MRTFB: variants seen among roughly 807,000 people sequenced by gnomAD.
MRTFB encodes myocardin related transcription factor B.
Under a neutral mutation model 104.2 loss-of-function variants are expected in MRTFB, and 29 were observed. The observed-to-expected ratio is 0.28, with a 90% CI of 0.21 to 0.38. The LOEUF (loss-of-function observed/expected upper bound fraction) is 0.38. Ranked by LOEUF, MRTFB falls within the 10% of genes least tolerant of loss-of-function variation. MRTFB has a pLI of 1.00. For synonymous variants in MRTFB, 535 were observed against 519.5 expected, an observed-to-expected ratio of 1.03 and a Z score of -0.41; for missense variants, 1,270 against 1,341.6, an observed-to-expected ratio of 0.95 and a Z score of 0.83.
chr16:14,243,541 C>G (rs1191773050), intron 10 of MRTFB, among the ~76,000 whole-genome samples: 2 of 152,130 alleles, frequency 1.3e-5, no homozygotes, highest in Admixed American at 1.3e-4. Flanking sequence ...CCACTGTTAC[C>G]AAGAGTATCA....
intron 2 of MRTFB, among the ~76,000 whole-genome samples, chr16:14,112,675 T>C (rs987148755): frequency 6.6e-6 from 1 of 152,260 alleles, no homozygotes; most frequent in African/African-American, 2.4e-5. Context: ...CTGAGTTTGC[T>C]GTTTCTGCTC....
chr16:14,247,073 G>C lies in MRTFB; in HGVS notation c.1813G>C (p.Glu605Gln). ...VEVLKMQLEV[E>Q]KRGQQQRPLE... ...AGTGCTGAAAATGCAACTTGAGGTT[G>C]AAAAACGAGGGCAGCAGCAGCGGCC... is the stretch of plus-strand genomic sequence containing the variant. Residue 605 changes from glutamate to glutamine, a missense_variant, in exon 12 of 17, where the codon GAA becomes CAA. Around this residue, in one of 3 missense-constraint regions of MRTFB, gnomAD observed 1,144 missense variants for 1,131.5 expected, o/e 1.01. Transcript: ENST00000571589. 6.2e-7 allele frequency: 1 copy of C among 1,614,166 alleles called. No homozygotes were observed. Among genetic ancestry groups the C allele is most frequent in the African/African-American group, 1.3e-5 (1 of 75,054 alleles).
At chr16:14,205,199 CCTA>C (rs1201685415) in intron 3 of MRTFB, among the ~76,000 whole-genome samples, 2 of 151,980 alleles carry the variant, frequency 1.3e-5, no homozygotes, top group African/African-American at 4.8e-5. Flanking sequence ...GTTTTTTTAT[CCTA>C]CTGTTTTCTA....
At chr16:14,112,300 C>T (rs192454623) in intron 2 of MRTFB, among the ~76,000 whole-genome samples, 66 of 152,112 alleles carry the variant, frequency 4.3e-4, no homozygotes, top group African/African-American at 1.3e-3. Context: ...GAGGTAGGTG[C>T]GTGAAACTGG....
the MRTFB span, among the ~76,000 whole-genome samples, chr16:14,022,095 A>G: frequency 4.4e-3 from 667 of 152,298 alleles, 4 homozygotes; most frequent in African/African-American, 0.015. Context: ...AATCCAGGAT[A>G]ATCTCCCTAT....
intron 3 of MRTFB, among the ~76,000 whole-genome samples, chr16:14,165,768 G>A (rs781136876): frequency 6.6e-6 from 1 of 152,086 alleles, no homozygotes; most frequent in Non-Finnish European, 1.5e-5. Flanking sequence ...TTGTCGTTCT[G>A]AGCCATAAAA....
At chr16:14,179,775 C>A (rs1413039908) in intron 3 of MRTFB, among the ~76,000 whole-genome samples, 1 of 152,158 alleles carries the variant, frequency 6.6e-6, no homozygotes, top group African/African-American at 2.4e-5. Flanking sequence ...AGACTGAAGT[C>A]GATGAATAGA....
At chr16:14,016,832 T>G in the MRTFB span, among the ~76,000 whole-genome samples, 1 of 147,302 alleles carries the variant, frequency 6.8e-6, no homozygotes, top group East Asian at 2.0e-4. Flanking sequence ...GTATGGTGGT[T>G]GGGATGGTAT....
At chr16:14,032,534 G>A in the MRTFB span, among the ~76,000 whole-genome samples, 2 of 152,076 alleles carry the variant, frequency 1.3e-5, no homozygotes, top group Non-Finnish European at 2.9e-5. Flanking sequence ...TTTGCTGCAA[G>A]CGTCAAGTAA....
At chr16:13,997,739 G>A in the MRTFB span, among the ~76,000 whole-genome samples, 1 of 138,488 alleles carries the variant, frequency 7.2e-6, no homozygotes, top group Non-Finnish European at 1.5e-5. Context: ...GTTGCAGTGA[G>A]TCATGTTTGC....
At chr16:14,074,928 A>G (rs566481083) in intron 1 of MRTFB, among the ~76,000 whole-genome samples, 2 of 152,364 alleles carry the variant, frequency 1.3e-5, no homozygotes, top group Non-Finnish European at 2.9e-5. Flanking sequence ...GTGAATTTTC[A>G]CGAAGAGCAG....
chr16:14,111,377 A>G (rs1280164715), intron 2 of MRTFB, among the ~76,000 whole-genome samples: 1 of 150,884 alleles, frequency 6.6e-6, no homozygotes, highest in Non-Finnish European at 1.5e-5. Context: ...ATAGAAGCCA[A>G]GCTCATCTGC....
chr16:14,239,755 G>GTATT (rs2042679884), intron 9 of MRTFB, among the ~76,000 whole-genome samples: 1 of 152,052 alleles, frequency 6.6e-6, no homozygotes, highest in South Asian at 2.1e-4. Flanking sequence ...ATTTGTTTTT[G>GTATT]TATTATATTG....
At chr16:14,109,858 A>G (rs1325130975) in intron 2 of MRTFB, among the ~76,000 whole-genome samples, 2 of 152,222 alleles carry the variant, frequency 1.3e-5, no homozygotes, top group Non-Finnish European at 1.5e-5. Context: ...CTATGAGCTG[A>G]CAGTATAAAG....
chr16:14,171,804 T>G (rs1256386111), intron 3 of MRTFB, among the ~76,000 whole-genome samples: 1 of 152,234 alleles, frequency 6.6e-6, no homozygotes. Context: ...CTTTATGGTT[T>G]GTAAATTATA....
chr16:14,225,688 T>G, intron 8 of MRTFB, among the ~76,000 whole-genome samples: 1 of 150,054 alleles, frequency 6.7e-6, no homozygotes, highest in African/African-American at 2.4e-5. Context: ...ATTCATTCAT[T>G]CATTCATGCC....
At chr16:14,104,735 A>AT (rs2035882770) in intron 2 of MRTFB, among the ~76,000 whole-genome samples, 1 of 152,194 alleles carries the variant, frequency 6.6e-6, no homozygotes, top group South Asian at 2.1e-4. Flanking sequence ...TTTATATGAA[A>AT]TCTTTTCCTT....
intron 10 of MRTFB, among the ~76,000 whole-genome samples, chr16:14,244,584 T>A (rs924354552): frequency 4.6e-5 from 7 of 152,242 alleles, no homozygotes; most frequent in East Asian, 3.8e-4. Context: ...TCAGTCTTAC[T>A]CATTATATCA....
chr16:14,008,814 A>T, the MRTFB span, among the ~76,000 whole-genome samples: 2 of 152,130 alleles, frequency 1.3e-5, no homozygotes, highest in Non-Finnish European at 2.9e-5. Context: ...TAAACATGGG[A>T]TGTCTTTCCA....
Sources: allele counts gnomAD v4.1 joint callset (sites outside exome capture counted in the v4.1 genomes callset), GRCh38; gene constraint gnomAD v4.1.1; regional missense constraint gnomAD v4.1.1; transcripts MANE v1.5; gene names NCBI Gene and HGNC (gene_info 2026-07-23, HGNC 2026-07-21).